Variants in JAKMIP2 observed in about 807,000 individuals in gnomAD.
JAKMIP2 encodes the protein janus kinase and microtubule interacting protein 2.
Under a neutral mutation model 115.0 loss-of-function variants are expected in JAKMIP2, and 25 were observed. The ratio of observed to expected loss-of-function variants is 0.22; its 90% CI spans 0.16 to 0.30. JAKMIP2 has a LOEUF of 0.30. JAKMIP2 is among the 10% of genes least tolerant of loss of function. The pLI, the probability that JAKMIP2 is intolerant of heterozygous loss-of-function variation, is 1.00. For synonymous variants in JAKMIP2, 334 were observed against 343.6 expected (o/e 0.97, Z 0.31); for missense variants, 642 against 957.6 (o/e 0.67, Z 4.35).
rs1016817596 is a variant in JAKMIP2 at position 147,758,107 on chromosome 5, G to A, written c.-149+24349C>T. ...AAAATAGTCAAATGTAGTAACACAC[G>A]GTTTAGTAAAGATTCAGAAAAATAA... On this transcript the variant is annotated intron_variant, in intron 1 of 21. Transcript: ENST00000616793. 7.9e-5 allele frequency among the ~76,000 whole-genome samples: 12 copies of A among 152,020 alleles called. No homozygotes were observed. In the South Asian group the frequency reaches 8.3e-4, roughly 11 times the overall value.
intron 13 of JAKMIP2, among the ~76,000 whole-genome samples, 180 bp downstream of exon 13, chr5:147,632,499 CA>C (rs1757410847): frequency 6.6e-6 from 1 of 152,116 alleles, no homozygotes; most frequent in Admixed American, 6.5e-5. Flanking sequence ...ACTTACTAGT[CA>C]CAGGACTTAG....
chr5:147,713,321 A>AT (rs989473055), intron 1 of JAKMIP2, among the ~76,000 whole-genome samples: 16 of 152,136 alleles, frequency 1.1e-4, no homozygotes, highest in African/African-American at 3.9e-4. Flanking sequence ...TACGTGAGAC[A>AT]TTTTTTAACA....
At chr5:147,764,948 G>A (rs61188368) in intron 1 of JAKMIP2, among the ~76,000 whole-genome samples, 1,468 of 56,202 alleles carry the variant, frequency 0.026, 106 homozygotes, top group East Asian at 0.12. Context: ...GAGAGAGAGG[G>A]AGAGAGAGAG....
At chr5:147,603,793 T>C (rs942065783) in intron 20 of JAKMIP2, among the ~76,000 whole-genome samples, 2 of 152,206 alleles carry the variant, frequency 1.3e-5, no homozygotes, top group African/African-American at 4.8e-5. Flanking sequence ...AGCAAAAGAA[T>C]TGTGAAAAAG....
At chr5:147,635,200 T>A (rs1028645691) in intron 12 of JAKMIP2, among the ~76,000 whole-genome samples, 3 of 152,008 alleles carry the variant, frequency 2.0e-5, no homozygotes, top group Admixed American at 6.5e-5. Context: ...TATTTTGAAA[T>A]CTTTCACTAG....
At chr5:147,632,597 A>C in intron 13 of JAKMIP2, 83 bp downstream of exon 13, 1 of 872,332 alleles carries the variant, frequency 1.1e-6, no homozygotes, top group Non-Finnish European at 1.8e-6. Flanking sequence ...TGAAATGCTT[A>C]ATACAGCGCC....
intron 1 of JAKMIP2, among the ~76,000 whole-genome samples, chr5:147,674,551 G>A (rs1759821398): frequency 1.3e-5 from 2 of 152,178 alleles, no homozygotes; most frequent in Admixed American, 6.5e-5. Context: ...TTGCATGATA[G>A]GCTAGGGAGT....
At chr5:147,760,917 T>C (rs1005830055) in intron 1 of JAKMIP2, among the ~76,000 whole-genome samples, 5 of 152,076 alleles carry the variant, frequency 3.3e-5, no homozygotes, top group African/African-American at 1.2e-4. Context: ...CTCACTGGTC[T>C]GGAAAGGTAC....
At chr5:147,702,603 G>A (rs200284320) in intron 1 of JAKMIP2, among the ~76,000 whole-genome samples, 5,624 of 90,790 alleles carry the variant, frequency 0.062, 346 homozygotes, top group African/African-American at 0.13. Context: ...AAAGAAAGAA[G>A]GAAAGAAAGA....
At chr5:147,639,878 A>AT in intron 9 of JAKMIP2, 118 bp from the exon 10 acceptor site, 1 of 1,177,192 alleles carries the variant, frequency 8.5e-7, no homozygotes, top group Non-Finnish European at 1.2e-6. Context: ...TTAACAGTCT[A>AT]TTTGATTTTA....
At chr5:147,598,544 C>T (rs1207135627) in intron 21 of JAKMIP2, among the ~76,000 whole-genome samples, 2 of 152,018 alleles carry the variant, frequency 1.3e-5, no homozygotes, top group Non-Finnish European at 2.9e-5. Flanking sequence ...ATATGCCATT[C>T]GTTTGGAAAA....
At chr5:147,709,218 A>G (rs1263783470) in intron 1 of JAKMIP2, among the ~76,000 whole-genome samples, 2 of 152,226 alleles carry the variant, frequency 1.3e-5, no homozygotes, top group African/African-American at 2.4e-5. Context: ...ATTAAATTAC[A>G]TTAGCAGAAT....
At chr5:147,759,085 C>T (rs2127041901) in intron 1 of JAKMIP2, among the ~76,000 whole-genome samples, 1 of 152,134 alleles carries the variant, frequency 6.6e-6, no homozygotes, top group South Asian at 2.1e-4. Flanking sequence ...ATCCTATTTC[C>T]ATGGCTGGGT....
chr5:147,716,659 G>A (rs1753013526), intron 1 of JAKMIP2, among the ~76,000 whole-genome samples: 1 of 149,572 alleles, frequency 6.7e-6, no homozygotes, highest in South Asian at 2.1e-4. Flanking sequence ...AGAAGTGTCT[G>A]TTCATGTCCT....
intron 1 of JAKMIP2, among the ~76,000 whole-genome samples, chr5:147,744,553 A>G (rs1346063796): frequency 1.3e-5 from 2 of 152,270 alleles, no homozygotes; most frequent in Non-Finnish European, 2.9e-5. Context: ...ATACTGTTTT[A>G]AAGCAAAGAT....
rs1185197826 is a variant in JAKMIP2, at chr5:147,631,339, G to T, written c.1875+74C>A. ...CCAGTGACTGAAAGACAAAATAGTC[G>T]TAAGTAACCTCCCCTTTTCCAATTC... On this transcript the variant is annotated intron_variant, in intron 14 of 21. Transcript: ENST00000616793. 5.9e-6 allele frequency: 5 copies of T among 848,534 alleles called. No homozygotes were observed. In the Admixed American group the frequency reaches 1.2e-4, roughly 21 times the overall value. The allele number at this position is 848,534 out of a possible 1,614,324, so 52.6% of individuals were successfully genotyped here.
At chr5:147,717,697 G>A (rs1753069345) in intron 1 of JAKMIP2, among the ~76,000 whole-genome samples, 1 of 150,836 alleles carries the variant, frequency 6.6e-6, no homozygotes. Flanking sequence ...CATTGATTTT[G>A]TATCCTGAGA....
chr5:147,730,169 G>A (rs1376643020), intron 1 of JAKMIP2, among the ~76,000 whole-genome samples: 4 of 152,142 alleles, frequency 2.6e-5, no homozygotes, highest in Non-Finnish European at 5.9e-5. Flanking sequence ...TTGTTTAACC[G>A]TGGGTGAAGC....
chr5:147,614,157 C>T (rs1391182505), intron 19 of JAKMIP2, among the ~76,000 whole-genome samples: 1 of 152,150 alleles, frequency 6.6e-6, no homozygotes, highest in Non-Finnish European at 1.5e-5. Context: ...TGGGCACCTC[C>T]TTACATGCTC....
Sources: allele counts gnomAD v4.1 joint callset (sites outside exome capture counted in the v4.1 genomes callset), GRCh38; gene constraint gnomAD v4.1.1; transcripts MANE v1.5; gene names NCBI Gene and HGNC (gene_info 2026-07-23, HGNC 2026-07-21).